KCNQ5: variants seen among roughly 807,000 people sequenced by gnomAD.
KCNQ5 encodes potassium voltage-gated channel subfamily KQT member 5.
Under a neutral mutation model 98.2 loss-of-function variants are expected in KCNQ5, and 30 were observed. The ratio of observed to expected loss-of-function variants is 0.31; its 90% CI spans 0.23 to 0.41. The LOEUF (loss-of-function observed/expected upper bound fraction) is 0.41. KCNQ5 is among the 10% of genes least tolerant of loss of function. The pLI is 1.00. For synonymous variants in KCNQ5, 458 were observed against 449.4 expected (o/e 1.02, Z -0.24); for missense variants, 835 against 1,182.5 (o/e 0.71, Z 4.31).
At chr6:72,963,114 G>A (rs139801802) in intron 1 of KCNQ5, among the ~76,000 whole-genome samples, 174 of 152,308 alleles carry the variant, frequency 1.1e-3, no homozygotes, top group African/African-American at 4.0e-3. Context: ...TCTGCAGTTG[G>A]TTGAGTTTAT....
At chr6:73,012,530 GT>G (rs1770116980) in intron 2 of KCNQ5, among the ~76,000 whole-genome samples, 1 of 152,064 alleles carries the variant, frequency 6.6e-6, no homozygotes, top group African/African-American at 2.4e-5. Flanking sequence ...GAAGAAAAGA[GT>G]TAGGGAGATG....
rs1188483580 is a variant in KCNQ5 at position 72,866,766 on chromosome 6, G to T, written c.399-137142G>T. 5.3e-5 allele frequency among the ~76,000 whole-genome samples: 8 copies of T among 152,264 alleles called. No individual in the cohort carries two copies. In the East Asian group the frequency reaches 1.5e-3, roughly 29 times the overall value. Reference sequence around the variant, plus strand: ...AGCATGAAAACAGTTTCAGAATTTAGACTGTGACCTAATCTAACCATATTG... The same window carrying T: ...AGCATGAAAACAGTTTCAGAATTTATACTGTGACCTAATCTAACCATATTG... On this transcript the variant is annotated intron_variant, in intron 1 of 13. Transcript: ENST00000370398.
chr6:73,171,072 T>G (rs1344520374), intron 11 of KCNQ5, among the ~76,000 whole-genome samples: 1 of 152,234 alleles, frequency 6.6e-6, no homozygotes, highest in Non-Finnish European at 1.5e-5. Flanking sequence ...AGACATTGAT[T>G]TGCCCTATAG....
At chr6:73,034,839 C>CTTTTTT (rs71669816) in intron 2 of KCNQ5, among the ~76,000 whole-genome samples, 14 of 113,534 alleles carry the variant, frequency 1.2e-4, no homozygotes, top group African/African-American at 4.3e-4. Flanking sequence ...TGCCTCTTTT[C>CTTTTTT]TTTTTTTTTT....
chr6:72,852,598 C>G (rs1777308506), intron 1 of KCNQ5, among the ~76,000 whole-genome samples: 1 of 119,340 alleles, frequency 8.4e-6, no homozygotes, highest in Non-Finnish European at 1.7e-5. Context: ...TGGTAGTTAC[C>G]AGAGACCAGA....
chr6:72,909,228 A>G (rs1488698562), intron 1 of KCNQ5, among the ~76,000 whole-genome samples: 1 of 152,186 alleles, frequency 6.6e-6, no homozygotes, highest in Non-Finnish European at 1.5e-5. Context: ...TGAGAAATAG[A>G]CAAAAACTGA....
chr6:72,853,006 G>A (rs1202153847), intron 1 of KCNQ5, among the ~76,000 whole-genome samples: 1 of 151,912 alleles, frequency 6.6e-6, no homozygotes, highest in Non-Finnish European at 1.5e-5. Flanking sequence ...ATGGAAAATG[G>A]CAAATGCTGT....
At chr6:72,843,096 T>C (rs954189602) in intron 1 of KCNQ5, among the ~76,000 whole-genome samples, 1 of 152,202 alleles carries the variant, frequency 6.6e-6, no homozygotes, top group Non-Finnish European at 1.5e-5. Context: ...GGTTTTCCTC[T>C]AGGGTTTTTA....
Position 72,988,354 on chromosome 6 carries a change from C to G in KCNQ5, c.399-15554C>G, listed in dbSNP as rs1267636744. Among the ~76,000 whole-genome samples, 4 of 152,088 alleles carry G rather than the reference C, an allele frequency of 2.6e-5. No homozygotes were observed. The East Asian group carries it at 7.7e-4, about 29-fold the overall frequency. ...AAAGAATGAAATCATGTCCTTTGTC[C>G]CAACATGGATGAAACTGGAGGCCAA... is the stretch of plus-strand genomic sequence containing the variant. On this transcript the variant is annotated intron_variant, in intron 1 of 13. Coordinates refer to ENST00000370398, the MANE Select transcript of KCNQ5 (RefSeq NM_019842.4).
intron 3 of KCNQ5, among the ~76,000 whole-genome samples, chr6:73,065,789 G>A (rs1034242808): frequency 3.9e-5 from 6 of 152,108 alleles, no homozygotes; most frequent in Admixed American, 2.6e-4. Context: ...ATATGATCAC[G>A]GTCACCCCTT....
intron 1 of KCNQ5, among the ~76,000 whole-genome samples, chr6:72,731,395 C>G (rs1770544115): frequency 6.6e-6 from 1 of 152,220 alleles, no homozygotes; most frequent in South Asian, 2.1e-4. Context: ...TAAAAGCTAT[C>G]CCAAATAACA....
intron 1 of KCNQ5, among the ~76,000 whole-genome samples, chr6:72,890,798 G>C (rs1269167806): frequency 6.6e-6 from 1 of 152,206 alleles, no homozygotes; most frequent in Non-Finnish European, 1.5e-5. Context: ...TCAGAAGACA[G>C]TAGAAAGAAT....
chr6:73,022,116 A>G (rs1222579322), intron 2 of KCNQ5, among the ~76,000 whole-genome samples: 1 of 152,200 alleles, frequency 6.6e-6, no homozygotes, highest in Non-Finnish European at 1.5e-5. Context: ...CTAGCCAGTT[A>G]TTCAACACTA....
chr6:73,035,558 G>A (rs1047706650), intron 2 of KCNQ5, among the ~76,000 whole-genome samples: 2 of 152,330 alleles, frequency 1.3e-5, no homozygotes, highest in Admixed American at 1.3e-4. Flanking sequence ...GGCTTACCCA[G>A]CAAGGGTCAG....
intron 1 of KCNQ5, among the ~76,000 whole-genome samples, chr6:72,999,416 A>G (rs1769457861): frequency 6.6e-6 from 1 of 152,226 alleles, no homozygotes; most frequent in Non-Finnish European, 1.5e-5. Context: ...AATATAAATG[A>G]CTGTTTCAGG....
intron 1 of KCNQ5, among the ~76,000 whole-genome samples, chr6:72,706,684 T>A (rs1471741574): frequency 6.6e-6 from 1 of 152,148 alleles, no homozygotes; most frequent in Non-Finnish European, 1.5e-5. Flanking sequence ...CATAGAGGCC[T>A]TCCTTGAAAG....
At chr6:72,925,065 G>A (rs1260661245) in intron 1 of KCNQ5, among the ~76,000 whole-genome samples, 4 of 152,046 alleles carry the variant, frequency 2.6e-5, no homozygotes, top group Non-Finnish European at 5.9e-5. Flanking sequence ...ATAATATGTA[G>A]CAGAAATAGA....
chr6:72,650,289 A>T (rs1464448578), intron 1 of KCNQ5, among the ~76,000 whole-genome samples: 3 of 152,148 alleles, frequency 2.0e-5, no homozygotes, highest in Non-Finnish European at 2.9e-5. Flanking sequence ...TGCATTTTGA[A>T]GTAACCAATA....
chr6:73,031,765 T>C (rs1485915961), intron 2 of KCNQ5, among the ~76,000 whole-genome samples: 1 of 152,168 alleles, frequency 6.6e-6, no homozygotes, highest in Non-Finnish European at 1.5e-5. Context: ...AATGAATTCA[T>C]GAAAAGCAGA....
Sources: allele counts gnomAD v4.1 joint callset (sites outside exome capture counted in the v4.1 genomes callset), GRCh38; gene constraint gnomAD v4.1.1; transcripts MANE v1.5; gene names NCBI Gene and HGNC (gene_info 2026-07-23, HGNC 2026-07-21).